The following PARD3 variants were observed in gnomAD, a reference collection of about 807,000 sequenced individuals.
PARD3 encodes par-3 family cell polarity regulator.
PARD3 carries 75 observed loss-of-function variants against 155.4 expected under a neutral mutation model. The ratio of observed to expected loss-of-function variants is 0.48; its 90% confidence interval spans 0.40 to 0.58. PARD3 has a LOEUF of 0.58. Ranked by LOEUF, PARD3 falls within the 20% of genes least tolerant of loss-of-function variation. PARD3 has a pLI of 0.00. For missense variants in PARD3, 1,642 were observed against 1,721.7 expected (o/e 0.95, Z 0.82); for synonymous variants, 576 against 610.5 (o/e 0.94, Z 0.83).
At chr10:34,188,640 C>T (rs1588685132) in intron 22 of PARD3, among the ~76,000 whole-genome samples, 1 of 152,148 alleles carries the variant, frequency 6.6e-6, no homozygotes, top group Non-Finnish European at 1.5e-5. Flanking sequence ...ATACTTCAAC[C>T]TAGTTTCACA....
chr10:34,378,790 G>T (rs1414813501), intron 9 of PARD3, among the ~76,000 whole-genome samples: 2 of 152,116 alleles, frequency 1.3e-5, no homozygotes, highest in Non-Finnish European at 1.5e-5. Context: ...CAAATCTGGG[G>T]ATCATATTAT....
In PARD3 at chr10:34,478,960, C is replaced by A. The variant is rs191840356; in HGVS notation, c.404-8697G>T. Among the ~76,000 whole-genome samples, 10 of 152,234 alleles carry A rather than the reference C, an allele frequency of 6.6e-5. No individual in the cohort carries two copies. In the East Asian group the frequency reaches 1.9e-3, roughly 29 times the overall value. ...TATAACCACTCTGATCAAAAATCTT[C>A]TAAACACTCACCTGAGTACAAGAAA... is the stretch of plus-strand genomic sequence containing the variant. On this transcript the variant is annotated intron_variant, in intron 3 of 24. Transcript: ENST00000374788.
intron 5 of PARD3, among the ~76,000 whole-genome samples, chr10:34,433,265 A>G (rs995544221): frequency 6.6e-6 from 1 of 152,200 alleles, no homozygotes; most frequent in African/African-American, 2.4e-5. Context: ...TCAAATAGTC[A>G]TTATATTGAG....
intron 2 of PARD3, among the ~76,000 whole-genome samples, chr10:34,599,537 G>C (rs560561070): frequency 2.6e-5 from 4 of 152,180 alleles, no homozygotes; most frequent in Non-Finnish European, 4.4e-5. Flanking sequence ...GACTAGGAAT[G>C]TTGTTATCTT....
At chr10:34,451,616 G>C (rs2077062094) in intron 4 of PARD3, among the ~76,000 whole-genome samples, 1 of 151,866 alleles carries the variant, frequency 6.6e-6, no homozygotes, top group Non-Finnish European at 1.5e-5. Flanking sequence ...GATAGTATTG[G>C]GTTTATGTAA....
chr10:34,646,188 T>C (rs983007935), intron 2 of PARD3, among the ~76,000 whole-genome samples: 2 of 152,240 alleles, frequency 1.3e-5, no homozygotes, highest in African/African-American at 4.8e-5. Context: ...TCATTTTTGT[T>C]TTTGGATTAG....
intron 2 of PARD3, among the ~76,000 whole-genome samples, chr10:34,524,443 A>C (rs1195158242): frequency 6.6e-6 from 1 of 152,200 alleles, no homozygotes; most frequent in African/African-American, 2.4e-5. Flanking sequence ...TCAGAGCTGA[A>C]ATTTAATTCT....
intron 1 of PARD3, among the ~76,000 whole-genome samples, chr10:34,728,451 T>A (rs1448085958): frequency 6.6e-6 from 1 of 152,094 alleles, no homozygotes; most frequent in Non-Finnish European, 1.5e-5. Context: ...GCAGGGGCAC[T>A]TCAGGAAAAA....
chr10:34,480,678 T>A (rs1224087325), intron 3 of PARD3, among the ~76,000 whole-genome samples: 1 of 152,138 alleles, frequency 6.6e-6, no homozygotes, highest in East Asian at 1.9e-4. Flanking sequence ...CTAAGATATA[T>A]CAGTCAGGAA....
intron 24 of PARD3, among the ~76,000 whole-genome samples, chr10:34,112,444 C>T (rs1946433417): frequency 1.3e-5 from 2 of 152,024 alleles, no homozygotes; most frequent in South Asian, 2.1e-4. Flanking sequence ...TATGAATTTA[C>T]AATAAGATTG....
intron 22 of PARD3, among the ~76,000 whole-genome samples, chr10:34,163,509 G>T (rs1949381987): frequency 6.6e-6 from 1 of 152,188 alleles, no homozygotes; most frequent in Non-Finnish European, 1.5e-5. Flanking sequence ...AAAGAGAGAA[G>T]AGTGGAGATC....
At chr10:34,380,680 C>T (rs1313164918) in intron 9 of PARD3, among the ~76,000 whole-genome samples, 2 of 151,926 alleles carry the variant, frequency 1.3e-5, no homozygotes, top group African/African-American at 4.8e-5. Flanking sequence ...GGCAAATCAC[C>T]TCATTTAAAA....
At chr10:34,245,425 C>T (rs951765761) in intron 22 of PARD3, among the ~76,000 whole-genome samples, 16 of 151,698 alleles carry the variant, frequency 1.1e-4, no homozygotes, top group Admixed American at 4.6e-4. Context: ...CTTGATTCTG[C>T]CGTCGTTCTT....
intron 4 of PARD3, among the ~76,000 whole-genome samples, chr10:34,467,239 T>A (rs546841527): frequency 6.6e-6 from 1 of 151,828 alleles, no homozygotes; most frequent in Admixed American, 6.6e-5. Context: ...ATATTGATAA[T>A]AAAATTCACA....
chr10:34,798,007 A>T (rs944206728), intron 1 of PARD3, among the ~76,000 whole-genome samples: 2 of 152,180 alleles, frequency 1.3e-5, no homozygotes. Flanking sequence ...CTCAAAAAAG[A>T]AAACACACAA....
chr10:34,675,253 A>C (rs1001563967), intron 2 of PARD3, among the ~76,000 whole-genome samples: 5 of 152,172 alleles, frequency 3.3e-5, no homozygotes, highest in African/African-American at 1.2e-4. Context: ...TCTGCTGTTA[A>C]GCAACTTTGT....
chr10:34,414,230 A>G (rs1365390915), intron 5 of PARD3, among the ~76,000 whole-genome samples: 1 of 152,052 alleles, frequency 6.6e-6, no homozygotes, highest in East Asian at 1.9e-4. Context: ...CTTAAAAAAA[A>G]AAAGGGAGGG....
chr10:34,412,759 C>T (rs986739028), intron 5 of PARD3, among the ~76,000 whole-genome samples: 1 of 152,170 alleles, frequency 6.6e-6, no homozygotes, highest in South Asian at 2.1e-4. Context: ...TCATGATTTG[C>T]AAATGGACTA....
At chr10:34,718,084 G>A (rs10827404) in intron 1 of PARD3, among the ~76,000 whole-genome samples, 39,149 of 149,520 alleles carry the variant, frequency 0.26, 5,744 homozygotes, top group East Asian at 0.5. Context: ...AGCCTGGGAG[G>A]AGGAGGCTGC....
Sources: allele counts gnomAD v4.1 joint callset (sites outside exome capture counted in the v4.1 genomes callset), GRCh38; gene constraint gnomAD v4.1.1; transcripts MANE v1.5; gene names NCBI Gene and HGNC (gene_info 2026-07-23, HGNC 2026-07-21).